Variants in PACRG observed in about 807,000 individuals in gnomAD.
PACRG encodes parkin coregulated gene protein.
Under a neutral mutation model 29.7 loss-of-function variants are expected in PACRG, and 29 were observed. The observed-to-expected ratio is 0.98, with a 90% CI of 0.73 to 1.33. The LOEUF is 1.33. PACRG is among the 40% of genes most tolerant of loss of function. The pLI is 0.00. For synonymous variants in PACRG, 116 were observed against 118.7 expected (o/e 0.98, Z 0.15); for missense variants, 279 against 316.2 (o/e 0.88, Z 0.89).
intron 2 of PACRG, chr6:163,042,522 G>A (rs1015762372): frequency 2.6e-5 from 4 of 152,118 alleles, no homozygotes; most frequent in African/African-American, 4.8e-5. Context: ...AAGAAGTTCA[G>A]TCTTTCTTAT....
intron 1 of PACRG, among the ~76,000 whole-genome samples, chr6:162,760,525 C>T (rs1193571874): frequency 6.6e-6 from 1 of 152,102 alleles, no homozygotes; most frequent in African/African-American, 2.4e-5. Context: ...TACCAAGAGA[C>T]TTGTGAGCCA....
chr6:162,984,101 T>C lies in PACRG; in HGVS notation c.292-78049T>C, dbSNP rs548836896. ...GAATAATTTCTTTAGTGGTGACTTA[T>C]GAGATTTTGGTGCACCCATCACCTG... On this transcript the variant is annotated intron_variant, in intron 2 of 4. Transcript: ENST00000366888. Among the ~76,000 whole-genome samples the C allele has an allele frequency of 9.2e-5, 14 of 152,132 alleles. No individual in the cohort carries two copies. In the South Asian group the frequency reaches 2.5e-3, roughly 27 times the overall value.
intron 1 of PACRG, among the ~76,000 whole-genome samples, chr6:162,734,514 C>CTA (rs60979156): frequency 0.49 from 74,265 of 151,672 alleles, 20,391 homozygotes; most frequent in African/African-American, 0.75. Flanking sequence ...TATATCAGTG[C>CTA]TGTTTTTATT....
At chr6:163,245,495 C>T (rs186339159) in intron 4 of PACRG, among the ~76,000 whole-genome samples, 154 of 152,210 alleles carry the variant, frequency 1.0e-3, no homozygotes, top group African/African-American at 3.2e-3. Flanking sequence ...GAGAGCCGCA[C>T]GTTAATATGG....
At chr6:163,026,285 C>A (rs1807123661) in intron 2 of PACRG, among the ~76,000 whole-genome samples, 1 of 152,176 alleles carries the variant, frequency 6.6e-6, no homozygotes, top group Non-Finnish European at 1.5e-5. Flanking sequence ...TCTTTTGATT[C>A]AGACAAATGT....
intron 4 of PACRG, chr6:163,111,973 C>T: frequency 2.5e-6 from 2 of 797,754 alleles, no homozygotes; most frequent in Non-Finnish European, 3.0e-6. Flanking sequence ...AATTTTTACA[C>T]CCAAATTTTA....
At chr6:162,998,867 A>G (rs1804324533) in intron 2 of PACRG, among the ~76,000 whole-genome samples, 1 of 152,152 alleles carries the variant, frequency 6.6e-6, no homozygotes, top group South Asian at 2.1e-4. Flanking sequence ...TTCTTCAAAA[A>G]TGTTTAGCCA....
At chr6:163,195,012 C>T (rs2128363557) in intron 4 of PACRG, among the ~76,000 whole-genome samples, 1 of 152,302 alleles carries the variant, frequency 6.6e-6, no homozygotes, top group African/African-American at 2.4e-5. Context: ...GTGAGCCTCT[C>T]CTCCCTCCTG....
chr6:163,060,557 G>T (rs1811007864), intron 2 of PACRG, among the ~76,000 whole-genome samples: 1 of 152,258 alleles, frequency 6.6e-6, no homozygotes, highest in East Asian at 1.9e-4. Context: ...TTAGGGATTT[G>T]TTTTCTATGC....
chr6:162,895,271 CAAAA>C (rs35275122), intron 2 of PACRG, among the ~76,000 whole-genome samples: 1 of 93,578 alleles, frequency 1.1e-5, no homozygotes, highest in Non-Finnish European at 2.2e-5. Flanking sequence ...CCCTCTCTCT[CAAAA>C]AAAAAAAAAA....
intron 4 of PACRG, among the ~76,000 whole-genome samples, chr6:163,168,776 T>A (rs183435497): frequency 8.5e-4 from 130 of 152,348 alleles, no homozygotes; most frequent in African/African-American, 3.1e-3. Flanking sequence ...CACTGAATAT[T>A]TTAAATGGGA....
intron 4 of PACRG, among the ~76,000 whole-genome samples, chr6:163,199,241 G>C (rs960462437): frequency 6.6e-6 from 1 of 152,192 alleles, no homozygotes; most frequent in Non-Finnish European, 1.5e-5. Flanking sequence ...AGTACTTAAA[G>C]AATAAGAATG....
intron 1 of PACRG, among the ~76,000 whole-genome samples, chr6:162,782,240 G>T (rs1784146973): frequency 6.6e-6 from 1 of 151,824 alleles, no homozygotes; most frequent in South Asian, 2.1e-4. Context: ...AGCAGAAACT[G>T]ACACAATTTC....
chr6:162,807,542 G>C (rs1028297660), intron 1 of PACRG, among the ~76,000 whole-genome samples: 1 of 152,134 alleles, frequency 6.6e-6, no homozygotes, highest in African/African-American at 2.4e-5. Flanking sequence ...AGAGATAGGG[G>C]AATGGCCAAT....
rs1218623098 is a variant in PACRG at position 163,276,012 on chromosome 6, T to TTCCTTCC, written c.614-38814_614-38813insCCTTCCT. ...CTTTCCTTCCTTCCTTCCTTCCTTC[T>TTCCTTCC]TTCTTTCTTTCTTTCTTTCTTTCTT... On this transcript the variant is annotated intron_variant, in intron 4 of 4. Transcript: ENST00000366888. Among the ~76,000 whole-genome samples, 821 of 138,214 alleles carry TTCCTTCC rather than the reference T, an allele frequency of 5.9e-3. 3 individuals are homozygous for TTCCTTCC. Among genetic ancestry groups the TTCCTTCC allele is most frequent in the East Asian group, 0.041 (205 of 5,012 alleles). The allele number at this position is 138,214 out of a possible 152,430, so 90.7% of individuals were successfully genotyped here. A position where few individuals can be genotyped will look rare whatever the true frequency, so the allele number is the denominator to read the frequency against.
intron 4 of PACRG, among the ~76,000 whole-genome samples, chr6:163,174,630 C>A (rs1217590826): frequency 6.6e-6 from 1 of 152,226 alleles, no homozygotes; most frequent in Non-Finnish European, 1.5e-5. Flanking sequence ...CAGGAGAATC[C>A]CAGACTCGTA....
At chr6:162,749,187 G>A (rs563901286) in intron 1 of PACRG, among the ~76,000 whole-genome samples, 1 of 152,308 alleles carries the variant, frequency 6.6e-6, no homozygotes, top group South Asian at 2.1e-4. Flanking sequence ...CTTGGGTGGT[G>A]TCCAGTGCAT....
intron 2 of PACRG, among the ~76,000 whole-genome samples, chr6:163,045,571 C>T (rs1359022112): frequency 1.3e-5 from 2 of 151,458 alleles, no homozygotes; most frequent in African/African-American, 4.9e-5. Context: ...GATCCACCCA[C>T]CTTGGCCTCC....
In PACRG at chr6:163,315,032, T is replaced by C. The variant is rs754024039; in HGVS notation, c.*45T>C. ...TTGAAACCTCCCGTTGGTGTTGGGA[T>C]CATCTGTCTCTGTTGCTTTTAGCAT... On this transcript the variant is annotated 3_prime_UTR_variant, in exon 5 of 5. Coordinates refer to ENST00000366888, the MANE Select transcript of PACRG (RefSeq NM_001080379.2). 2.5e-6 allele frequency: 4 copies of C among 1,581,106 alleles called. No individual in the cohort carries two copies. The South Asian group carries it at 4.6e-5, about 18-fold the overall frequency.
Sources: allele counts gnomAD v4.1 joint callset (sites outside exome capture counted in the v4.1 genomes callset), GRCh38; gene constraint gnomAD v4.1.1; transcripts MANE v1.5; gene names NCBI Gene and HGNC (gene_info 2026-07-23, HGNC 2026-07-21).